The following COL28A1 variants were observed in gnomAD, a reference collection of about 807,000 sequenced individuals.
COL28A1 encodes collagen type XXVIII alpha 1 chain, also known as collagen alpha-1(XXVIII) chain.
In COL28A1, 161 loss-of-function variants were observed where a neutral mutation model predicts 150.2. That is an observed-to-expected ratio of 1.07 (90% CI 0.94 to 1.22). The LOEUF is 1.22. COL28A1 is among the 50% of genes most tolerant of loss of function. COL28A1 has a pLI of 0.00. For missense variants in COL28A1, 1,617 were observed against 1,388.3 expected, an observed-to-expected ratio of 1.16 and a Z score of -2.62; for synonymous variants, 552 against 469.7, an observed-to-expected ratio of 1.18 and a Z score of -2.26.
chr7:7,471,332 A>G (rs1030463726), intron 15 of COL28A1, among the ~76,000 whole-genome samples: 2 of 152,136 alleles, frequency 1.3e-5, no homozygotes, highest in Non-Finnish European at 2.9e-5. Flanking sequence ...CTATTCCACA[A>G]GATAGAGAAA....
chr7:7,437,171 T>C (rs929451755), intron 22 of COL28A1, among the ~76,000 whole-genome samples: 2 of 152,182 alleles, frequency 1.3e-5, no homozygotes, highest in South Asian at 2.1e-4. Context: ...GAAGACGTAA[T>C]GAAGGGTAAA....
rs1780165412 is a variant in COL28A1 at position 7,495,628 on chromosome 7, C to T, written c.1027-4982G>A. Among the ~76,000 whole-genome samples the T allele has an allele frequency of 5.3e-5, 8 of 152,284 alleles. No homozygotes were observed. In the South Asian group the frequency reaches 1.7e-3, roughly 32 times the overall value. On this transcript the variant is annotated intron_variant, in intron 11 of 34. Coordinates refer to ENST00000399429, the MANE Select transcript of COL28A1 (RefSeq NM_001037763.3). Reference sequence around the variant, plus strand: ...TTCATGACACCTCCCACTCCCTCTGCCACCATATGCAACGCATCCCAACAC... The same window carrying T: ...TTCATGACACCTCCCACTCCCTCTGTCACCATATGCAACGCATCCCAACAC...
chr7:7,420,232 T>C (rs1266065500), intron 25 of COL28A1: 2 of 233,610 alleles, frequency 8.6e-6, no homozygotes, highest in Admixed American at 1.1e-4. Flanking sequence ...GTATTGTGAA[T>C]AGAGGATGGA....
intron 13 of COL28A1, among the ~76,000 whole-genome samples, chr7:7,487,407 G>A (rs1386829208): frequency 6.6e-6 from 1 of 152,020 alleles, no homozygotes; most frequent in Non-Finnish European, 1.5e-5. Context: ...GTGAAACCCT[G>A]TCTCTACAAA....
intron 33 of COL28A1, among the ~76,000 whole-genome samples, chr7:7,370,003 T>A (rs562761901): frequency 1.3e-5 from 2 of 152,168 alleles, no homozygotes; most frequent in South Asian, 4.2e-4. Context: ...ATAGCACTCA[T>A]CGGTAACTAA....
chr7:7,353,256 T>C (rs1406608946), downstream of COL28A1, among the ~76,000 whole-genome samples: 4 of 152,172 alleles, frequency 2.6e-5, no homozygotes, highest in African/African-American at 9.7e-5. Flanking sequence ...TCTTCCCAGG[T>C]GCAGAACAAA....
chr7:7,518,102 C>A (rs1432963204), intron 6 of COL28A1, among the ~76,000 whole-genome samples: 2 of 151,888 alleles, frequency 1.3e-5, no homozygotes, highest in Non-Finnish European at 2.9e-5. Context: ...CCCAGTTGAA[C>A]AACACAGCGA....
chr7:7,407,499 G>A (rs569845551), intron 27 of COL28A1, among the ~76,000 whole-genome samples: 25 of 152,100 alleles, frequency 1.6e-4, no homozygotes, highest in African/African-American at 2.9e-4. Context: ...ATAACTTCTC[G>A]AGAGCGATAA....
At chr7:7,388,899 C>CT (rs1782364675) in intron 27 of COL28A1, among the ~76,000 whole-genome samples, 1 of 152,058 alleles carries the variant, frequency 6.6e-6, no homozygotes, top group Admixed American at 6.5e-5. Flanking sequence ...GATATTAGCC[C>CT]TTTGTCAGAT....
chr7:7,486,337 T>A (rs769474249), intron 13 of COL28A1, among the ~76,000 whole-genome samples: 1 of 152,204 alleles, frequency 6.6e-6, no homozygotes, highest in Non-Finnish European at 1.5e-5. Flanking sequence ...TAGGAGGTTT[T>A]TGTATAGATT....
At chr7:7,375,392 C>T (rs963549846) in intron 31 of COL28A1, 69 bp downstream of exon 31, 2 of 1,387,252 alleles carry the variant, frequency 1.4e-6, no homozygotes, top group Non-Finnish European at 1.9e-6. Context: ...CGAACACATT[C>T]TGTCACCAGC....
chr7:7,479,699 A>C (rs994589492), intron 13 of COL28A1, among the ~76,000 whole-genome samples: 3 of 152,246 alleles, frequency 2.0e-5, no homozygotes, highest in Non-Finnish European at 4.4e-5. Context: ...TAAGAAGTTC[A>C]TGTAACTATT....
At chr7:7,432,987 A>C (rs1272565834) in intron 23 of COL28A1, among the ~76,000 whole-genome samples, 1 of 152,142 alleles carries the variant, frequency 6.6e-6, no homozygotes, top group Non-Finnish European at 1.5e-5. Flanking sequence ...TGTTGCGTTA[A>C]ATCTATTCTC....
chr7:7,376,540 AAC>A (rs1356064646), intron 30 of COL28A1, among the ~76,000 whole-genome samples: 9 of 152,314 alleles, frequency 5.9e-5, no homozygotes, highest in Non-Finnish European at 1.0e-4. Flanking sequence ...AATGAGAGTC[AAC>A]AGTCTTCTTT....
chr7:7,436,393 AC>A lies in COL28A1; in HGVS notation c.1860+1del, dbSNP rs764485463. Reference sequence around the variant, plus strand: ...AACAAAAAGAACATGAATAAAGCATACCTTTGGTCCTCGAATAGAAAGTCCA... The same window carrying A: ...AACAAAAAGAACATGAATAAAGCATACTTTGGTCCTCGAATAGAAAGTCCA... On this transcript the variant is annotated splice_donor_variant, in intron 23 of 34. Transcript: ENST00000399429. LOFTEE classifies it high-confidence loss of function. 7.7e-7 allele frequency: 1 copy of A among 1,290,416 alleles called. No homozygotes were observed. The highest frequency in any genetic ancestry group is 1.1e-6 in the Non-Finnish European group (1 of 884,222). The allele number at this position is 1,290,416 out of a possible 1,614,324, so 79.9% of individuals were successfully genotyped here.
At chr7:7,523,361 T>A (rs950135640) in intron 4 of COL28A1, among the ~76,000 whole-genome samples, 3 of 151,980 alleles carry the variant, frequency 2.0e-5, no homozygotes, top group Non-Finnish European at 4.4e-5. Context: ...GGTTTCAGCA[T>A]GTTGGCCAGG....
intron 18 of COL28A1, among the ~76,000 whole-genome samples, chr7:7,451,387 A>G (rs936767766): frequency 6.6e-5 from 10 of 151,898 alleles, no homozygotes; most frequent in African/African-American, 2.2e-4. Context: ...CAATACGCCC[A>G]GCTAATTTTT....
chr7:7,415,783 C>T (rs896962615), intron 27 of COL28A1, among the ~76,000 whole-genome samples: 73 of 152,164 alleles, frequency 4.8e-4, no homozygotes, highest in African/African-American at 1.3e-3. Context: ...CCACCCACCT[C>T]GGCCTCCCAA....
At chr7:7,433,304 G>A (rs1056231880) in intron 23 of COL28A1, among the ~76,000 whole-genome samples, 2 of 152,034 alleles carry the variant, frequency 1.3e-5, no homozygotes, top group Non-Finnish European at 2.9e-5. Flanking sequence ...AAGTAAAACG[G>A]GGGGAGAGAA....
Sources: allele counts gnomAD v4.1 joint callset (sites outside exome capture counted in the v4.1 genomes callset), GRCh38; gene constraint gnomAD v4.1.1; transcripts MANE v1.5; gene names NCBI Gene and HGNC (gene_info 2026-07-23, HGNC 2026-07-21).